The following CNTN3 variants were observed in gnomAD, a reference collection of about 807,000 sequenced individuals.
The protein encoded by CNTN3 is contactin-3.
Under a neutral mutation model 119.1 loss-of-function variants are expected in CNTN3, and 60 were observed. The ratio of observed to expected loss-of-function variants is 0.50; its 90% CI spans 0.41 to 0.62. The LOEUF (loss-of-function observed/expected upper bound fraction) is 0.62, where lower values mean the gene tolerates loss of function less well. Among genes scored for constraint, CNTN3 ranks in the 20% least tolerant of loss-of-function variants. The pLI is 0.00. For missense variants in CNTN3, 1,101 were observed against 1,242.4 expected, an observed-to-expected ratio of 0.89 and a Z score of 1.71; for synonymous variants, 450 against 438.7, an observed-to-expected ratio of 1.03 and a Z score of -0.32.
chr3:74,582,363 G>A (rs569292725), intron 1 of CNTN3, among the ~76,000 whole-genome samples: 27 of 151,426 alleles, frequency 1.8e-4, no homozygotes, highest in East Asian at 2.0e-4. Flanking sequence ...CCAAGATCAC[G>A]CCACTGCACT....
chr3:74,326,872 A>G (rs1390032776), intron 13 of CNTN3, among the ~76,000 whole-genome samples: 2 of 152,114 alleles, frequency 1.3e-5, no homozygotes, highest in African/African-American at 4.8e-5. Context: ...CTTGTTGATG[A>G]TTTAAATAAC....
chr3:74,594,156 G>A (rs1349323421), intron 1 of CNTN3, among the ~76,000 whole-genome samples: 1 of 151,756 alleles, frequency 6.6e-6, no homozygotes, highest in Non-Finnish European at 1.5e-5. Context: ...TCCTAGTGTA[G>A]TCTGTGTGGT....
At chr3:74,459,456 T>C (rs945462141) in intron 4 of CNTN3, among the ~76,000 whole-genome samples, 7 of 152,036 alleles carry the variant, frequency 4.6e-5, no homozygotes, top group African/African-American at 1.2e-4. Context: ...GCTTAATTTA[T>C]GCCCAATGGC....
intron 4 of CNTN3, among the ~76,000 whole-genome samples, chr3:74,484,690 C>T (rs1257033203): frequency 6.6e-6 from 1 of 151,844 alleles, no homozygotes; most frequent in Non-Finnish European, 1.5e-5. Context: ...CCAAGCGAAC[C>T]CCAAAATACA....
intron 4 of CNTN3, among the ~76,000 whole-genome samples, chr3:74,468,367 A>G (rs1169439376): frequency 6.6e-6 from 1 of 152,172 alleles, no homozygotes; most frequent in Non-Finnish European, 1.5e-5. Flanking sequence ...AAGAAAATCT[A>G]GATTTTTTTT....
chr3:74,272,412 T>C (rs1465441494), intron 20 of CNTN3, among the ~76,000 whole-genome samples: 1 of 152,176 alleles, frequency 6.6e-6, no homozygotes, highest in African/African-American at 2.4e-5. Flanking sequence ...CCTGATTCTA[T>C]ATTAGCAGAA....
chr3:74,546,161 A>G (rs1043455675), intron 1 of CNTN3, among the ~76,000 whole-genome samples: 7 of 151,976 alleles, frequency 4.6e-5, no homozygotes, highest in Admixed American at 2.0e-4. Context: ...ATGCCCGGCT[A>G]ATTTTTTGCA....
chr3:74,481,357 A>G (rs1429998077), intron 4 of CNTN3, among the ~76,000 whole-genome samples: 1 of 151,886 alleles, frequency 6.6e-6, no homozygotes, highest in African/African-American at 2.4e-5. Flanking sequence ...ATGTTGGGCC[A>G]CAGGAAAAAT....
Position 74,302,723 on chromosome 3 carries a change from T to C in CNTN3, c.1753A>G (p.Ser585Gly). ...ATGAGGTCAGCAGCAGATGAAACAC[T>C]GTCCACCCCCGTTTGCACCATACAA... The part of the protein sequence containing the change: ...YVCMVQTGVD[S>G]VSSAADLIVR... The change falls in exon 14 of 23, where the codon AGT (serine) becomes GGT (glycine). Residue 585 changes from serine (S) to glycine (G), a missense_variant. Coordinates refer to ENST00000263665, the MANE Select transcript of CNTN3 (RefSeq NM_020872.3). 6.2e-7 allele frequency: 1 copy of C among 1,613,112 alleles called. No homozygotes were observed. Among genetic ancestry groups the C allele is most frequent in the South Asian group, 1.1e-5 (1 of 90,958 alleles).
intron 11 of CNTN3, among the ~76,000 whole-genome samples, chr3:74,355,746 CACCCTGCTGGTCCTCTTTTTTAA>C (rs1258378291): frequency 6.6e-6 from 1 of 152,010 alleles, no homozygotes; most frequent in African/African-American, 2.4e-5. Context: ...TGAGCCACCG[CACCCTGCTGGTCCTCTTTTTTAA>C]ACAGAAATTT....
chr3:74,455,530 C>G (rs1279789842), intron 4 of CNTN3, among the ~76,000 whole-genome samples: 1 of 152,098 alleles, frequency 6.6e-6, no homozygotes, highest in African/African-American at 2.4e-5. Context: ...CAGCTTTGTT[C>G]CATTGCTGGT....
At chr3:74,591,792 A>T (rs1201526110) in intron 1 of CNTN3, among the ~76,000 whole-genome samples, 1 of 151,934 alleles carries the variant, frequency 6.6e-6, no homozygotes. Flanking sequence ...GTTCAGGTTC[A>T]GACATCCTTG....
chr3:74,404,583 A>G (rs968650777), intron 5 of CNTN3, among the ~76,000 whole-genome samples: 1 of 151,944 alleles, frequency 6.6e-6, no homozygotes, highest in Non-Finnish European at 1.5e-5. Flanking sequence ...AACTCAGGAG[A>G]CAGCATGCTG....
rs582799 is a variant in CNTN3 at position 74,331,411 on chromosome 3, C to A, written c.1668+3324G>T. ...TATCATTAGGTTTGTGTAAGTGCAC[C>A]CTACGATGTCCACATAAGGACGGAA... On this transcript the variant is annotated intron_variant, in intron 13 of 22. Coordinates refer to ENST00000263665, the MANE Select transcript of CNTN3 (RefSeq NM_020872.3). Among the ~76,000 whole-genome samples, 265 of 152,192 alleles carry A rather than the reference C, an allele frequency of 1.7e-3. 1 individual carries two copies. The highest frequency in any genetic ancestry group is 6.8e-3 in the Middle Eastern group (2 of 294).
At chr3:74,512,580 A>C (rs994000730) in intron 2 of CNTN3, among the ~76,000 whole-genome samples, 1 of 151,790 alleles carries the variant, frequency 6.6e-6, no homozygotes, top group Non-Finnish European at 1.5e-5. Flanking sequence ...CAAAAACCCC[A>C]TGAGGCAGAA....
chr3:74,398,442 C>T (rs925553544), intron 5 of CNTN3, among the ~76,000 whole-genome samples: 2 of 152,164 alleles, frequency 1.3e-5, no homozygotes, highest in Admixed American at 1.3e-4. Flanking sequence ...AAGGTATGTA[C>T]ATTGTTTTTT....
intron 5 of CNTN3, among the ~76,000 whole-genome samples, chr3:74,408,712 C>A (rs1430151689): frequency 6.6e-6 from 1 of 152,090 alleles, no homozygotes; most frequent in Non-Finnish European, 1.5e-5. Flanking sequence ...ATCTTCTATG[C>A]AGCTTTGTAA....
Position 74,371,283 on chromosome 3 carries a change from C to G in CNTN3, c.571G>C (p.Val191Leu), listed in dbSNP as rs79599011. The G allele has an allele frequency of 6.2e-7, 1 of 1,613,548 alleles. No homozygotes were observed. The highest frequency in any genetic ancestry group is 1.1e-5 in the South Asian group (1 of 91,072). The change falls in exon 6 of 23, where the codon GTG becomes CTG. Residue 191 changes from valine to leucine, a missense_variant. Transcript: ENST00000263665. The stretch of plus-strand genomic sequence containing the variant: ...GTCACCACACATGTGTAATTTCCCA[C>G]ATCAGACGGCTCCACCTTAGATATG... ...LYISKVEPSD[V>L]GNYTCVVTSM...
chr3:74,327,409 T>C (rs893831597), intron 13 of CNTN3, among the ~76,000 whole-genome samples: 6 of 152,098 alleles, frequency 3.9e-5, no homozygotes, highest in African/African-American at 1.4e-4. Context: ...ATTACAGGCA[T>C]GAGCCACCAT....
Sources: allele counts gnomAD v4.1 joint callset (sites outside exome capture counted in the v4.1 genomes callset), GRCh38; gene constraint gnomAD v4.1.1; transcripts MANE v1.5; gene names NCBI Gene and HGNC (gene_info 2026-07-23, HGNC 2026-07-21).